GALK1: variants seen among roughly 807,000 people sequenced by gnomAD.
GALK1 encodes the protein galactokinase.
In GALK1, 30 loss-of-function variants were observed where a neutral mutation model predicts 38.6. The ratio of observed to expected loss-of-function variants is 0.78; its 90% confidence interval spans 0.58 to 1.05. GALK1 has a LOEUF of 1.05. Ranked by LOEUF, GALK1 falls within the 50% of genes least tolerant of loss-of-function variation. The probability of loss-of-function intolerance (pLI) is 0.00; values close to 1 mark genes in which losing one functional copy is unlikely to be tolerated. For missense variants in GALK1, 512 were observed against 540.5 expected (o/e 0.95, Z 0.52); for synonymous variants, 240 against 233.6 (o/e 1.03, Z -0.25).
intron 5 of GALK1, 62 bp downstream of exon 5, chr17:75,762,642 A>G: frequency 6.3e-7 from 1 of 1,582,334 alleles, no homozygotes; most frequent in Non-Finnish European, 8.7e-7. Flanking sequence ...GGTCAAGGCC[A>G]CACTGAGGCG....
chr17:75,754,495 G>C (rs2061440329), downstream of GALK1: 2 of 1,582,672 alleles, frequency 1.3e-6, no homozygotes, highest in Admixed American at 3.3e-5. Context: ...TGGGTGACCA[G>C]GAATGTGCAG....
At chr17:75,757,867 G>C, downstream of GALK1, 1 of 712,632 alleles carries the variant, frequency 1.4e-6, no homozygotes, top group Non-Finnish European at 2.4e-6. Flanking sequence ...CTCCCCTAGG[G>C]TAGGGGAGCG....
chr17:75,762,655 A>G (rs1334447451), intron 5 of GALK1, 49 bp downstream of exon 5: 10 of 1,598,062 alleles, frequency 6.3e-6, no homozygotes, highest in Non-Finnish European at 8.6e-6. Flanking sequence ...CTGAGGCGCC[A>G]GCAGGGAGCA....
chr17:75,760,057 C>A (rs2061580830), intron 5 of GALK1, among the ~76,000 whole-genome samples: 3 of 152,154 alleles, frequency 2.0e-5, no homozygotes, highest in Admixed American at 6.5e-5. Flanking sequence ...AATAGACTAC[C>A]TTCCTGGCCA....
chr17:75,759,153 C>T (rs1253697555), intron 5 of GALK1, among the ~76,000 whole-genome samples: 6 of 152,056 alleles, frequency 3.9e-5, no homozygotes, highest in South Asian at 2.1e-4. Context: ...AATGGGTGGG[C>T]GCGGTGGCTC....
downstream of GALK1, chr17:75,755,162 C>T (rs748835678): frequency 1.2e-5 from 19 of 1,611,370 alleles, no homozygotes; most frequent in Admixed American, 3.3e-5. Flanking sequence ...CAGGGGCCCA[C>T]GAGACTCTAT....
downstream of GALK1, chr17:75,757,498 A>G (rs1478094349): frequency 1.9e-5 from 31 of 1,612,998 alleles, no homozygotes; most frequent in Non-Finnish European, 2.5e-5. Flanking sequence ...TGAGCCGGAC[A>G]CTGACCACCA....
chr17:75,757,989 C>G lies in GALK1; in HGVS notation c.*67G>C. On this transcript the variant is annotated 3_prime_UTR_variant, in exon 8 of 8. Transcript: ENST00000588479. ...AGCACCCGGATATGGAAGATGGCACCGGGCACAGAGCCGTGGGACTGGCCT... is the reference window on the plus strand; with the variant it reads ...AGCACCCGGATATGGAAGATGGCACGGGGCACAGAGCCGTGGGACTGGCCT... 3 of 1,555,322 alleles carry G rather than the reference C, an allele frequency of 1.9e-6. No individual in the cohort carries two copies. The highest frequency in any genetic ancestry group is 1.8e-4 in the Middle Eastern group (1 of 5,432).
intron 5 of GALK1, among the ~76,000 whole-genome samples, chr17:75,759,568 T>C (rs1209097496): frequency 1.3e-5 from 2 of 151,860 alleles, no homozygotes; most frequent in Non-Finnish European, 2.9e-5. Context: ...GGAGAGGGAT[T>C]GCGCTTCTAG....
intron 8 of GALK1, chr17:75,752,420 C>T: frequency 1.2e-6 from 2 of 1,612,914 alleles, no homozygotes; most frequent in Non-Finnish European, 1.7e-6. Context: ...GCAGCCAGGG[C>T]CCTGGCTCAC....
chr17:75,752,189 T>C lies in GALK1; in HGVS notation c.*23-452A>G, dbSNP rs886053413. The C allele has an allele frequency of 6.2e-7, 1 of 1,613,898 alleles. No homozygotes were observed. The highest frequency in any genetic ancestry group is 8.5e-7 in the Non-Finnish European group (1 of 1,179,982). On this transcript the variant is annotated intron_variant, in intron 8 of 8. Coordinates refer to the GALK1 transcript ENST00000225614. ...TCTGCCCCAGGACCTATTGGGCCCA[T>C]GAAGAAAGTGCTGGTTGACAACCCT... is the stretch of plus-strand genomic sequence containing the variant.
chr17:75,760,142 G>A (rs1599333853), intron 5 of GALK1, among the ~76,000 whole-genome samples: 1 of 152,070 alleles, frequency 6.6e-6, no homozygotes, highest in African/African-American at 2.4e-5. Context: ...GGCCCAGGCT[G>A]GAGTGCCATG....
At chr17:75,754,439 G>A, downstream of GALK1, 1 of 1,079,314 alleles carries the variant, frequency 9.3e-7, no homozygotes, top group Non-Finnish European at 1.4e-6. Flanking sequence ...TGTCCCTAGT[G>A]GTTTGAGGGA....
intron 5 of GALK1, among the ~76,000 whole-genome samples, chr17:75,759,301 G>A (rs537340049): frequency 2.0e-5 from 3 of 152,122 alleles, no homozygotes; most frequent in South Asian, 2.1e-4. Flanking sequence ...CGTGGCAGGC[G>A]CCTGTAATCG....
At chr17:75,756,142 C>T (rs900621765), downstream of GALK1, among the ~76,000 whole-genome samples, 3 of 152,200 alleles carry the variant, frequency 2.0e-5, no homozygotes, top group African/African-American at 7.2e-5. Context: ...GCCTGAGATG[C>T]CTTTGGGGGA....
At chr17:75,755,503 G>T (rs2061476537), downstream of GALK1, among the ~76,000 whole-genome samples, 1 of 152,184 alleles carries the variant, frequency 6.6e-6, no homozygotes, top group Non-Finnish European at 1.5e-5. Flanking sequence ...TTTGGCACAA[G>T]CAGGGCCTGC....
downstream of GALK1, chr17:75,756,545 G>A (rs1239680100): frequency 1.9e-6 from 3 of 1,613,154 alleles, no homozygotes; most frequent in Middle Eastern, 1.6e-4. Context: ...GGAAGGCTGG[G>A]GCCGAGAGCG....
Position 75,758,524 on chromosome 17 carries a change from TG to T in GALK1, c.868del (p.Gln290ArgfsTer6). 6.3e-7 allele frequency: 1 copy of T among 1,589,780 alleles called. No homozygotes were observed. The highest frequency in any genetic ancestry group is 8.5e-7 in the Non-Finnish European group (1 of 1,172,418). ...GCCACGTCTCAGGGCGGCCGCTGCC[TG>T]GGCCGTGCGCCGAATCTCCCCCACC... Reference protein sequence around the residue: ...HVVGEIRRTAQAAAALRRGDY... With the variant: ...HVVGEIRRTAXAAAALRRGDY... On this transcript the variant is annotated frameshift_variant, in exon 6 of 8. Transcript: ENST00000588479. LOFTEE classifies it high-confidence loss of function.
intron 8 of GALK1, chr17:75,752,024 A>C: frequency 1.2e-6 from 1 of 846,186 alleles, no homozygotes; most frequent in South Asian, 1.3e-5. Context: ...AGGGCTCCGC[A>C]GGCGGCAATT....
Sources: gnomAD v4.1 joint callset for allele counts (sites outside exome capture counted in the v4.1 genomes callset) on GRCh38, gnomAD v4.1.1 for gene constraint, MANE v1.5 for transcripts, NCBI Gene and HGNC (gene_info 2026-07-23, HGNC 2026-07-21) for gene names.